Variants in LRBA observed in about 807,000 individuals in gnomAD.
LRBA encodes lipopolysaccharide-responsive and beige-like anchor protein.
LRBA carries 176 observed loss-of-function variants against 330.0 expected under a neutral mutation model. That is an observed-to-expected ratio of 0.53 (90% CI 0.47 to 0.60). The LOEUF (loss-of-function observed/expected upper bound fraction) is 0.60. Among genes scored for constraint, LRBA ranks in the 20% least tolerant of loss-of-function variants. LRBA has a pLI of 0.00. For missense variants in LRBA, 3,259 were observed against 3,444.8 expected, an observed-to-expected ratio of 0.95 and a Z score of 1.35; for synonymous variants, 1,230 against 1,193.0, an observed-to-expected ratio of 1.03 and a Z score of -0.64.
chr4:150,363,505 T>C (rs1739012840), intron 47 of LRBA, among the ~76,000 whole-genome samples: 1 of 152,240 alleles, frequency 6.6e-6, no homozygotes, highest in Non-Finnish European at 1.5e-5. Flanking sequence ...AAGTTATATA[T>C]TTGTTTACTT....
At chr4:150,646,188 T>C (rs1268268760) in intron 37 of LRBA, among the ~76,000 whole-genome samples, 4 of 151,998 alleles carry the variant, frequency 2.6e-5, no homozygotes, top group Admixed American at 6.6e-5. Flanking sequence ...TATATTTTTA[T>C]GGTAGAACCA....
At chr4:150,295,999 C>T (rs543713572) in intron 53 of LRBA, among the ~76,000 whole-genome samples, 1 of 152,008 alleles carries the variant, frequency 6.6e-6, no homozygotes, top group African/African-American at 2.4e-5. Flanking sequence ...ATTCTACCCC[C>T]CAAAAAGAAA....
At chr4:150,757,142 A>G (rs560110362) in intron 35 of LRBA, among the ~76,000 whole-genome samples, 2 of 152,294 alleles carry the variant, frequency 1.3e-5, no homozygotes, top group South Asian at 4.1e-4. Flanking sequence ...CTCTAAAATA[A>G]ATTTGTTTAA....
At chr4:150,900,018 G>C (rs757207281) in intron 14 of LRBA, 31 bp downstream of exon 14, 1 of 1,515,876 alleles carries the variant, frequency 6.6e-7, no homozygotes, top group Non-Finnish European at 9.0e-7. Flanking sequence ...TTGCATTTGT[G>C]TAAAGTAATA....
intron 36 of LRBA, among the ~76,000 whole-genome samples, chr4:150,686,350 A>G (rs1052560294): frequency 2.0e-5 from 3 of 152,256 alleles, no homozygotes; most frequent in Non-Finnish European, 4.4e-5. Flanking sequence ...TTCATACGCT[A>G]TATTTTTAAA....
Position 150,599,131 on chromosome 4 carries a change from A to G in LRBA, c.5922T>C (p.Ser1974=), listed in dbSNP as rs778753560. The change falls in exon 38 of 57, where the codon AGT becomes AGC. Residue 1974 remains serine (S), a splice_region_variant and synonymous_variant. Coordinates refer to ENST00000651943, the MANE Select transcript of LRBA (RefSeq NM_001364905.1). The part of the protein sequence containing the change: ...KHGAWGNSAV[S]RPLEFWRLDY... The stretch of plus-strand genomic sequence containing the variant: ...CAAGGCGCCAGAACTCAAGAGGACG[A>G]CTACAATGAAACAGAGAAGCCACAT... The G allele has an allele frequency of 3.1e-6, 5 of 1,613,858 alleles. No individual in the cohort carries two copies. The highest frequency in any genetic ancestry group is 2.2e-5 in the East Asian group (1 of 44,878).
intron 30 of LRBA, among the ~76,000 whole-genome samples, chr4:150,827,442 C>T (rs1026425263): frequency 4.6e-5 from 7 of 152,126 alleles, no homozygotes; most frequent in Non-Finnish European, 1.0e-4. Flanking sequence ...TTCTCCAACT[C>T]TGCTACCTCA....
chr4:150,607,949 T>A (rs1380539531), intron 37 of LRBA, among the ~76,000 whole-genome samples: 1 of 151,988 alleles, frequency 6.6e-6, no homozygotes, highest in African/African-American at 2.4e-5. Context: ...GCAGGAGAAT[T>A]GCTTGAACCT....
chr4:150,645,347 T>C (rs980123098), intron 37 of LRBA, among the ~76,000 whole-genome samples: 1 of 151,866 alleles, frequency 6.6e-6, no homozygotes, highest in Admixed American at 6.6e-5. Context: ...ATGGGAAATT[T>C]ACACTGCAGT....
chr4:150,862,153 C>T (rs1482420558), intron 22 of LRBA, among the ~76,000 whole-genome samples: 1 of 152,090 alleles, frequency 6.6e-6, no homozygotes, highest in Non-Finnish European at 1.5e-5. Context: ...CTAGAAATAC[C>T]ATTTGACCCA....
intron 47 of LRBA, 73 bp downstream of exon 47, chr4:150,415,365 A>T: frequency 7.2e-7 from 1 of 1,393,878 alleles, no homozygotes. Context: ...AGGGTTAATG[A>T]TTATACACCA....
chr4:150,399,955 G>A (rs1219376949), intron 47 of LRBA, among the ~76,000 whole-genome samples: 1 of 150,322 alleles, frequency 6.7e-6, no homozygotes, highest in Non-Finnish European at 1.5e-5. Context: ...CAGCCAGGGT[G>A]ATGAAGTGAG....
rs1761486375 is a variant in LRBA, at chr4:150,508,851, C to T, written c.6331-17816G>A. Among the ~76,000 whole-genome samples, 3 of 152,020 alleles carry T rather than the reference C, an allele frequency of 2.0e-5. No homozygotes were observed. In the South Asian group the frequency reaches 6.2e-4, roughly 32 times the overall value. ...AAGATACAAAGGAGTTGAACAAGACCATCAACCAACAGAACCTAACTGACA... is the reference window on the plus strand; with the variant it reads ...AAGATACAAAGGAGTTGAACAAGACTATCAACCAACAGAACCTAACTGACA... On this transcript the variant is annotated intron_variant, in intron 40 of 56. Coordinates refer to ENST00000651943, the MANE Select transcript of LRBA (RefSeq NM_001364905.1).
At chr4:150,636,724 T>C (rs1436244281) in intron 37 of LRBA, among the ~76,000 whole-genome samples, 1 of 152,214 alleles carries the variant, frequency 6.6e-6, no homozygotes, top group Non-Finnish European at 1.5e-5. Flanking sequence ...CACGATTCAC[T>C]GCAGCCTCAG....
intron 17 of LRBA, among the ~76,000 whole-genome samples, chr4:150,876,991 C>T (rs569126933): frequency 2.5e-4 from 38 of 152,224 alleles, no homozygotes; most frequent in African/African-American, 8.9e-4. Context: ...CAGTGGCTCA[C>T]GCCTGTAATC....
intron 2 of LRBA, among the ~76,000 whole-genome samples, chr4:150,985,275 T>C (rs1320945335): frequency 5.3e-5 from 8 of 150,610 alleles, no homozygotes; most frequent in South Asian, 2.1e-4. Context: ...AAAAAAAAGC[T>C]TATATTTTAA....
intron 38 of LRBA, among the ~76,000 whole-genome samples, chr4:150,591,248 A>G (rs1581761393): frequency 6.6e-6 from 1 of 152,200 alleles, no homozygotes; most frequent in South Asian, 2.1e-4. Flanking sequence ...TCATTCCTCC[A>G]AACAATGTTA....
intron 30 of LRBA, among the ~76,000 whole-genome samples, chr4:150,818,532 CTG>C (rs74479974): frequency 0.018 from 2,565 of 145,812 alleles, 64 homozygotes; most frequent in African/African-American, 0.058. Flanking sequence ...TGACGAATGT[CTG>C]TGTGTGTGTG....
At chr4:150,454,972 ATTTTT>A (rs751715206) in intron 44 of LRBA, among the ~76,000 whole-genome samples, 1 of 122,466 alleles carries the variant, frequency 8.2e-6, no homozygotes, top group Admixed American at 8.9e-5. Context: ...GTTTTATTTT[ATTTTT>A]TATTTTTTTT....
Sources: gnomAD v4.1 joint callset for allele counts (sites outside exome capture counted in the v4.1 genomes callset) on GRCh38, gnomAD v4.1.1 for gene constraint, MANE v1.5 for transcripts, NCBI Gene and HGNC (gene_info 2026-07-23, HGNC 2026-07-21) for gene names.